DLGAP2: variants seen among roughly 807,000 people sequenced by gnomAD.
DLGAP2 encodes DLG associated protein 2.
A neutral mutation model predicts 100.3 loss-of-function variants in DLGAP2; 26 were observed. The observed-to-expected ratio is 0.26, with a 90% CI of 0.19 to 0.36. The LOEUF is 0.36. Among genes scored for constraint, DLGAP2 ranks in the 10% least tolerant of loss-of-function variants. The pLI, the probability that DLGAP2 is intolerant of heterozygous loss-of-function variation, is 1.00. For synonymous variants in DLGAP2, 886 were observed against 630.1 expected, an observed-to-expected ratio of 1.41 and a Z score of -6.08; for missense variants, 1,858 against 1,453.2, an observed-to-expected ratio of 1.28 and a Z score of -4.53.
intron 2 of DLGAP2, among the ~76,000 whole-genome samples, chr8:1,163,480 G>A (rs1796932567): frequency 6.6e-6 from 1 of 152,252 alleles, no homozygotes; most frequent in Non-Finnish European, 1.5e-5. Flanking sequence ...GTGGATGCCA[G>A]TGACAATTAT....
At chr8:1,664,605 G>C (rs1014679567) in intron 8 of DLGAP2, among the ~76,000 whole-genome samples, 1 of 152,168 alleles carries the variant, frequency 6.6e-6, no homozygotes, top group Non-Finnish European at 1.5e-5. Context: ...AGAAAGCCCA[G>C]GGTCTTCAGC....
At chr8:1,416,946 T>A (rs1239057211) in intron 3 of DLGAP2, among the ~76,000 whole-genome samples, 1 of 152,066 alleles carries the variant, frequency 6.6e-6, no homozygotes, top group Non-Finnish European at 1.5e-5. Flanking sequence ...ATTTGCTTCG[T>A]GAGGAGGCCC....
intron 3 of DLGAP2, among the ~76,000 whole-genome samples, chr8:1,287,468 C>A (rs796147929): frequency 2.3e-5 from 1 of 44,036 alleles, no homozygotes; most frequent in Non-Finnish European, 3.7e-5. Context: ...AGTTTCGGTT[C>A]AGCGTGTGTG....
intron 4 of DLGAP2, among the ~76,000 whole-genome samples, chr8:1,508,349 C>CT (rs1800014431): frequency 4.1e-5 from 1 of 24,282 alleles, no homozygotes; most frequent in East Asian, 1.2e-3. Context: ...CGCAAACCCC[C>CT]GCAAACCCCC....
intron 3 of DLGAP2, among the ~76,000 whole-genome samples, chr8:1,268,666 G>T (rs535531926): frequency 6.6e-6 from 1 of 152,202 alleles, no homozygotes; most frequent in African/African-American, 2.4e-5. Context: ...ATACAAAGAT[G>T]TTGGGTGGTT....
At chr8:820,666 T>G (rs1796566841) in intron 1 of DLGAP2, among the ~76,000 whole-genome samples, 1 of 152,204 alleles carries the variant, frequency 6.6e-6, no homozygotes, top group Non-Finnish European at 1.5e-5. Context: ...GAAACCAATG[T>G]TTTAGTAGCA....
chr8:752,003 G>A (rs1282313844), intron 1 of DLGAP2, among the ~76,000 whole-genome samples: 2 of 152,204 alleles, frequency 1.3e-5, no homozygotes, highest in Non-Finnish European at 2.9e-5. Context: ...TCTCCTTAAA[G>A]AAGTGGTCAT....
chr8:1,452,991 G>C (rs554023968), intron 3 of DLGAP2, among the ~76,000 whole-genome samples: 1 of 152,334 alleles, frequency 6.6e-6, no homozygotes, highest in Non-Finnish European at 1.5e-5. Context: ...AAGGAGACGT[G>C]AGAAGTCCAC....
At chr8:1,644,322 T>C (rs1221513717) in intron 8 of DLGAP2, among the ~76,000 whole-genome samples, 1 of 152,208 alleles carries the variant, frequency 6.6e-6, no homozygotes, top group African/African-American at 2.4e-5. Flanking sequence ...GAGTGAAGAC[T>C]GCCGTCCTCT....
intron 1 of DLGAP2, among the ~76,000 whole-genome samples, chr8:848,228 G>A (rs1797106314): frequency 6.6e-6 from 1 of 152,206 alleles, no homozygotes; most frequent in Non-Finnish European, 1.5e-5. Flanking sequence ...TGAATCAATA[G>A]TTGATTTTTA....
At chr8:1,390,205 C>T (rs1796318201) in intron 3 of DLGAP2, among the ~76,000 whole-genome samples, 2 of 152,134 alleles carry the variant, frequency 1.3e-5, no homozygotes, top group South Asian at 4.2e-4. Flanking sequence ...GGAATGATCT[C>T]TGCCATAGTA....
At chr8:845,953 A>G (rs989591560) in intron 1 of DLGAP2, among the ~76,000 whole-genome samples, 1 of 152,234 alleles carries the variant, frequency 6.6e-6, no homozygotes, top group African/African-American at 2.4e-5. Flanking sequence ...ACCCTTGTCA[A>G]AAATCAATTG....
At chr8:1,140,175 C>T (rs76393069) in intron 2 of DLGAP2, among the ~76,000 whole-genome samples, 4,832 of 152,214 alleles carry the variant, frequency 0.032, 131 homozygotes, top group East Asian at 0.15. Context: ...CATGTCGTAG[C>T]GGGGAGGTGC....
At chr8:1,266,729 G>T (rs1441293296) in intron 3 of DLGAP2, among the ~76,000 whole-genome samples, 1 of 152,086 alleles carries the variant, frequency 6.6e-6, no homozygotes, top group Non-Finnish European at 1.5e-5. Context: ...GGGGAGGGGA[G>T]TGTTGAGTGC....
At chr8:1,118,297 A>G (rs1795945695) in intron 2 of DLGAP2, among the ~76,000 whole-genome samples, 1 of 152,192 alleles carries the variant, frequency 6.6e-6, no homozygotes, top group African/African-American at 2.4e-5. Flanking sequence ...CAGCATCTGC[A>G]GCTCTTGACC....
chr8:1,221,335 TA>T (rs1172898058), intron 2 of DLGAP2, among the ~76,000 whole-genome samples: 3 of 152,220 alleles, frequency 2.0e-5, no homozygotes, highest in Non-Finnish European at 4.4e-5. Flanking sequence ...GAAAAGGATT[TA>T]TTTTTCTCCT....
intron 3 of DLGAP2, among the ~76,000 whole-genome samples, chr8:1,378,890 C>T (rs569894568): frequency 3.9e-5 from 6 of 152,334 alleles, no homozygotes; most frequent in Admixed American, 2.0e-4. Flanking sequence ...GTTCAACACT[C>T]ATGCTTCCCT....
intron 3 of DLGAP2, among the ~76,000 whole-genome samples, chr8:1,309,015 G>C (rs1042644374): frequency 6.6e-6 from 1 of 152,270 alleles, no homozygotes; most frequent in East Asian, 1.9e-4. Flanking sequence ...AGAGGAAAGT[G>C]TCTACAGTTA....
intron 2 of DLGAP2, among the ~76,000 whole-genome samples, chr8:1,138,263 GC>G (rs1177330866): frequency 6.6e-6 from 1 of 152,194 alleles, no homozygotes; most frequent in Non-Finnish European, 1.5e-5. Flanking sequence ...CATCGCAGGA[GC>G]CTAGGTTTCC....
Sources: gnomAD v4.1 joint callset for allele counts (sites outside exome capture counted in the v4.1 genomes callset) on GRCh38, gnomAD v4.1.1 for gene constraint, MANE v1.5 for transcripts, NCBI Gene and HGNC (gene_info 2026-07-23, HGNC 2026-07-21) for gene names.